FGFR3: variants seen among roughly 807,000 people sequenced by gnomAD.
FGFR3 encodes FGFR-3.
In FGFR3, 25 loss-of-function variants were observed where a neutral mutation model predicts 82.9. That is an observed-to-expected ratio of 0.30 (90% CI 0.22 to 0.42). The LOEUF is 0.42. FGFR3 is among the 10% of genes least tolerant of loss of function. FGFR3 has a pLI of 1.00. For synonymous variants in FGFR3, 620 were observed against 516.0 expected (o/e 1.20, Z -2.73); for missense variants, 1,026 against 1,161.0 (o/e 0.88, Z 1.69).
At chr4:1,800,485 G>A (rs1484280496) in intron 4 of FGFR3, among the ~76,000 whole-genome samples, 1 of 152,054 alleles carries the variant, frequency 6.6e-6, no homozygotes, top group African/African-American at 2.4e-5. Flanking sequence ...CTGGGTCCCT[G>A]GGCCAGTGGG....
Position 1,807,249 on chromosome 4 carries a change from G to C in FGFR3, c.2408G>C (p.Gly803Ala). The change falls in exon 18 of 18, where the codon GGC becomes GCC. Residue 803 changes from glycine to alanine, a missense_variant. By Grantham distance (60) the Gly-to-Ala change is moderately conservative. Transcript: ENST00000440486. ...CCCCCGGCCCCACCCAGCAGTGGGG[G>C]CTCGCGGACGTGAAGGGCCACTGGT... is the stretch of plus-strand genomic sequence containing the variant. Reference protein sequence around the residue: ...LLPPAPPSSGGSRT With the variant: ...LLPPAPPSSGASRT The C allele has an allele frequency of 6.2e-7, 1 of 1,603,126 alleles. No homozygotes were observed. The highest frequency in any genetic ancestry group is 8.5e-7 in the Non-Finnish European group (1 of 1,176,510).
chr4:1,794,259 C>T (rs749629505), intron 2 of FGFR3, among the ~76,000 whole-genome samples: 4 of 152,358 alleles, frequency 2.6e-5, no homozygotes, highest in Non-Finnish European at 5.9e-5. Context: ...AAGTGCGAGG[C>T]CACCACGGGG....
rs887141889 is a variant in FGFR3, at chr4:1,807,756, C to T, written c.*494C>T. On this transcript the variant is annotated 3_prime_UTR_variant, in exon 18 of 18. Coordinates refer to ENST00000440486, the MANE Select transcript of FGFR3 (RefSeq NM_000142.5). Reference sequence around the variant, plus strand: ...TGTTAGTGGCACCGCCTCCCCACCTCCAGGCTTTCCCACTTCCCACCCTGC... The same window carrying T: ...TGTTAGTGGCACCGCCTCCCCACCTTCAGGCTTTCCCACTTCCCACCCTGC... The T allele has an allele frequency of 1.4e-5, 8 of 574,796 alleles. No individual in the cohort carries two copies. The highest frequency in any genetic ancestry group is 7.2e-5 in the African/African-American group (4 of 55,344). 35.6% of individuals were successfully genotyped at this position (574,796 alleles called of 1,614,324 possible). A position where few individuals can be genotyped will look rare whatever the true frequency, so the allele number is the denominator to read the frequency against.
rs775684769 is a variant in FGFR3, at chr4:1,801,836, G to C, written c.741G>C (p.Glu247Asp). The change falls in exon 7 of 18, where the codon GAG becomes GAC. Residue 247 changes from glutamate to aspartate, a missense_variant and splice_region_variant. Physicochemically the swap from Glu to Asp is conservative, Grantham distance 45. This residue lies in a region of FGFR3 where 147 missense variants were observed against 228.1 expected (regional missense o/e 0.64). Coordinates refer to ENST00000440486, the MANE Select transcript of FGFR3 (RefSeq NM_000142.5). ...CCTGAGCGTCATCTGCCCCCACAGAGCGCTCCCCGCACCGGCCCATCCTGC... is the reference window on the plus strand; with the variant it reads ...CCTGAGCGTCATCTGCCCCCACAGACCGCTCCCCGCACCGGCCCATCCTGC... ...IRQTYTLDVLERSPHRPILQA... is the reference protein window; with the variant it reads ...IRQTYTLDVLDRSPHRPILQA... 1 of 1,605,766 alleles carries C rather than the reference G, an allele frequency of 6.2e-7. No homozygotes were observed. Among genetic ancestry groups the C allele is most frequent in the South Asian group, 1.1e-5 (1 of 90,746 alleles).
chr4:1,807,337 C>T lies in FGFR3; in HGVS notation c.*75C>T. ...CTGCTGGTGCACAGCCACTCCCCGGCATGAGACTCAGTGCAGATGGAGAGA... is the reference window on the plus strand; with the variant it reads ...CTGCTGGTGCACAGCCACTCCCCGGTATGAGACTCAGTGCAGATGGAGAGA... On this transcript the variant is annotated 3_prime_UTR_variant, in exon 18 of 18. Coordinates refer to ENST00000440486, the MANE Select transcript of FGFR3 (RefSeq NM_000142.5). 1.3e-6 allele frequency: 2 copies of T among 1,528,956 alleles called. No individual in the cohort carries two copies. The highest frequency in any genetic ancestry group is 1.8e-6 in the Non-Finnish European group (2 of 1,137,542). The allele number at this position is 1,528,956 out of a possible 1,614,324, so 94.7% of individuals were successfully genotyped here.
intron 7 of FGFR3, among the ~76,000 whole-genome samples, chr4:1,802,402 C>T (rs1168326961): frequency 1.3e-5 from 2 of 152,178 alleles, no homozygotes; most frequent in African/African-American, 2.4e-5. Context: ...CCGACCTGGC[C>T]GATTGGCTCT....
intron 7 of FGFR3, chr4:1,802,861 C>T (rs952168968): frequency 1.2e-5 from 18 of 1,535,122 alleles, no homozygotes; most frequent in Non-Finnish European, 1.6e-5. Context: ...CTGCCTCGTG[C>T]CCGGCGGGGC....
intron 2 of FGFR3, among the ~76,000 whole-genome samples, chr4:1,797,929 C>T (rs1720708020): frequency 6.6e-6 from 1 of 152,142 alleles, no homozygotes; most frequent in South Asian, 2.1e-4. Context: ...GCAGCTGGGC[C>T]CCCGAATCTA....
intron 2 of FGFR3, among the ~76,000 whole-genome samples, chr4:1,794,254 C>T (rs1194365842): frequency 6.6e-6 from 1 of 152,224 alleles, no homozygotes; most frequent in South Asian, 2.1e-4. Flanking sequence ...CCTCCAAGTG[C>T]GAGGCCACCA....
Position 1,807,612 on chromosome 4 carries a change from A to G in FGFR3, c.*350A>G. 5 of 663,718 alleles carry G rather than the reference A, an allele frequency of 7.5e-6. No individual in the cohort carries two copies. Among genetic ancestry groups the G allele is most frequent in the Non-Finnish European group, 1.4e-5 (5 of 352,054 alleles). The allele number at this position is 663,718 out of a possible 1,614,324, so 41.1% of individuals were successfully genotyped here. ...CCCGTGGGGCAGGGAGCTGGGCCCG[A>G]CATGGCTCCGGCCTCTGCCTTTGCA... On this transcript the variant is annotated 3_prime_UTR_variant, in exon 18 of 18. Transcript: ENST00000440486.
intron 6 of FGFR3, 21 bp downstream of exon 6, chr4:1,801,764 C>T (rs376758869): frequency 1.2e-4 from 116 of 961,326 alleles, no homozygotes; most frequent in Non-Finnish European, 1.6e-4. Context: ...TGGGGCGGCG[C>T]GGGGGTGGGG....
chr4:1,807,852 G>A lies in FGFR3; in HGVS notation c.*590G>A, dbSNP rs1398861651. On this transcript the variant is annotated 3_prime_UTR_variant, in exon 18 of 18. Transcript: ENST00000440486. ...CCTTTTATGCAAAAGGTTTATTCCG[G>A]AAACTAGTGTACATTTCTATAAATA... 6.9e-6 allele frequency: 3 copies of A among 432,216 alleles called. No individual in the cohort carries two copies. Among genetic ancestry groups the A allele is most frequent in the Non-Finnish European group, 1.3e-5 (3 of 227,416 alleles). 26.8% of individuals were successfully genotyped at this position (432,216 alleles called of 1,614,324 possible).
At chr4:1,799,184 C>T (rs1421021055) in intron 2 of FGFR3, 70 bp from the exon 3 acceptor site, 13 of 1,607,216 alleles carry the variant, frequency 8.1e-6, no homozygotes, top group Non-Finnish European at 1.7e-6. Context: ...GCCGAGGCTT[C>T]CACTGCTGTG....
chr4:1,802,226 G>A (rs998100674), intron 7 of FGFR3, among the ~76,000 whole-genome samples: 5 of 152,172 alleles, frequency 3.3e-5, no homozygotes, highest in South Asian at 2.1e-4. Flanking sequence ...ACCCGTTTCC[G>A]TGTCTGCAGA....
At chr4:1,799,073 A>G (rs1227473498) in intron 2 of FGFR3, among the ~76,000 whole-genome samples, 181 bp from the exon 3 acceptor site, 2 of 152,150 alleles carry the variant, frequency 1.3e-5, no homozygotes, top group Non-Finnish European at 2.9e-5. Flanking sequence ...ACTGGTTGGC[A>G]AAGCTGAAGA....
rs2108817783 is a variant in FGFR3, at chr4:1,807,189, C to T, written c.2348C>T (p.Ser783Leu). The T allele has an allele frequency of 1.2e-6, 2 of 1,607,114 alleles. No individual in the cohort carries two copies. The highest frequency in any genetic ancestry group is 1.7e-6 in the Non-Finnish European group (2 of 1,177,538). ...GGQDTPSSSS[S>L]GDDSVFAHDL... ...CAGGACACCCCCAGCTCCAGCTCCT[C>T]AGGGGACGACTCCGTGTTTGCCCAC... Residue 783 changes from serine to leucine, a missense_variant, in exon 18 of 18, where the codon TCA becomes TTA. Around this residue, in one of 9 missense-constraint regions of FGFR3, gnomAD observed 155 missense variants for 150.2 expected, o/e 1.03. Transcript: ENST00000440486.
chr4:1,804,413 A>C lies in FGFR3; in HGVS notation c.1159A>C (p.Ile387Leu), dbSNP rs774204416. The C allele has an allele frequency of 6.2e-7, 1 of 1,612,920 alleles. No homozygotes were observed. The highest frequency in any genetic ancestry group is 1.3e-5 in the African/African-American group (1 of 74,966). ...LSYGVGFFLF[I>L]LVVAAVTLCR... is the part of the protein sequence containing the mutation. ...CTACGGGGTGGGCTTCTTCCTGTTC[A>C]TCCTGGTGGTGGCGGCTGTGACGCT... Residue 387 changes from isoleucine (I) to leucine (L), a missense_variant, in exon 9 of 18, where the codon ATC (isoleucine) becomes CTC (leucine). Ile to Leu is a conservative substitution (Grantham distance 5, BLOSUM62 2). Around this residue, in one of 9 missense-constraint regions of FGFR3, gnomAD observed 256 missense variants for 217.6 expected, o/e 1.18. Coordinates refer to ENST00000440486, the MANE Select transcript of FGFR3 (RefSeq NM_000142.5).
At chr4:1,806,492 C>G in intron 15 of FGFR3, 54 bp from the exon 16 acceptor site, 1 of 1,612,506 alleles carries the variant, frequency 6.2e-7, no homozygotes, top group South Asian at 1.1e-5. Flanking sequence ...TGGTGCCCGC[C>G]CAGGTGTCTG....
In FGFR3 at chr4:1,799,334, C is replaced by G. The variant is rs1340463980; in HGVS notation, c.190C>G (p.Pro64Ala). The part of the protein sequence containing the change: ...GDAVELSCPP[P>A]GGGPMGPTVW... ...TGCTGTGGAGCTGAGCTGTCCCCCG[C>G]CCGGGGGTGGTCCCATGGGGCCCAC... is the stretch of plus-strand genomic sequence containing the variant. Residue 64 changes from proline (P) to alanine (A), a missense_variant, in exon 3 of 18, where the codon CCC (proline) becomes GCC (alanine). Physicochemically the swap from Pro to Ala is conservative, Grantham distance 27. This residue lies in a region of FGFR3 where 226 missense variants were observed against 222.0 expected (regional missense o/e 1.02). Coordinates refer to ENST00000440486, the MANE Select transcript of FGFR3 (RefSeq NM_000142.5). The G allele has an allele frequency of 6.2e-7, 1 of 1,612,610 alleles. No homozygotes were observed.
Sources: gnomAD v4.1 joint callset for allele counts (sites outside exome capture counted in the v4.1 genomes callset) on GRCh38, gnomAD v4.1.1 for gene constraint, gnomAD v4.1.1 regional missense constraint, MANE v1.5 for transcripts, NCBI Gene and HGNC (gene_info 2026-07-23, HGNC 2026-07-21) for gene names.